The following CMTR1 variants were observed in gnomAD, a reference collection of about 807,000 sequenced individuals.
CMTR1 encodes the protein cap-specific mRNA (nucleoside-2'-O-)-methyltransferase 1.
Under a neutral mutation model 107.0 loss-of-function variants are expected in CMTR1, and 39 were observed. That is an observed-to-expected ratio of 0.36 (90% confidence interval 0.28 to 0.48). The LOEUF (loss-of-function observed/expected upper bound fraction) is 0.48, where lower values mean the gene tolerates loss of function less well. Ranked by LOEUF, CMTR1 falls within the 20% of genes least tolerant of loss-of-function variation. The probability of loss-of-function intolerance (pLI) is 0.99; values close to 1 mark genes in which losing one functional copy is unlikely to be tolerated. For missense variants in CMTR1, 672 were observed against 1,064.9 expected (o/e 0.63, Z 5.14); for synonymous variants, 366 against 379.5 (o/e 0.96, Z 0.41).
At chr6:37,443,865 T>G in intron 2 of CMTR1, 134 bp from the exon 3 acceptor site, 1 of 949,264 alleles carries the variant, frequency 1.1e-6, no homozygotes, top group South Asian at 2.1e-5. Flanking sequence ...AAAATAGATT[T>G]GACCTTGGGT....
chr6:37,478,857 T>C (rs1761797460), intron 22 of CMTR1, among the ~76,000 whole-genome samples: 2 of 152,168 alleles, frequency 1.3e-5, no homozygotes, highest in African/African-American at 4.8e-5. Flanking sequence ...TCCCCCTTTC[T>C]TCAGAGCGCT....
chr6:37,430,830 C>T (rs947321877), upstream of CMTR1, among the ~76,000 whole-genome samples: 6 of 152,030 alleles, frequency 3.9e-5, no homozygotes, highest in African/African-American at 1.2e-4. Context: ...CTGGCTAACA[C>T]GGTGAAACCC....
chr6:37,469,432 G>A (rs1761577938), intron 13 of CMTR1, among the ~76,000 whole-genome samples: 1 of 151,388 alleles, frequency 6.6e-6, no homozygotes, highest in African/African-American at 2.4e-5. Context: ...ATTCTGCTTG[G>A]GGTTCATTGA....
In CMTR1 at chr6:37,479,950, A is replaced by G. The variant is rs188725359; in HGVS notation, c.2376-63A>G. ...GACCCCTCCGCCCCACACCCTTAAG[A>G]ACACATGACCCTGTGCCATCTGGGT... On this transcript the variant is annotated intron_variant, in intron 23 of 23. Transcript: ENST00000373451. 1.1e-4 allele frequency: 151 copies of G among 1,417,240 alleles called. 1 individual carries two copies. The East Asian group carries it at 3.9e-3, about 37-fold the overall frequency. 87.8% of individuals were successfully genotyped at this position (1,417,240 alleles called of 1,614,324 possible).
At chr6:37,460,778 C>A (rs956785816) in intron 10 of CMTR1, among the ~76,000 whole-genome samples, 2 of 152,184 alleles carry the variant, frequency 1.3e-5, no homozygotes, top group Non-Finnish European at 2.9e-5. Flanking sequence ...AGTCTATTCA[C>A]ACTGTTGTGC....
chr6:37,478,740 GAGCT>G (rs1220466184), intron 22 of CMTR1, among the ~76,000 whole-genome samples: 15 of 152,200 alleles, frequency 9.9e-5, no homozygotes, highest in Non-Finnish European at 1.8e-4. Context: ...ATAGGGAGAG[GAGCT>G]CAACTTGTAC....
chr6:37,431,365 A>C (rs2113857278), upstream of CMTR1, among the ~76,000 whole-genome samples: 1 of 152,352 alleles, frequency 6.6e-6, no homozygotes, highest in East Asian at 1.9e-4. Flanking sequence ...GAAGGACACT[A>C]AACTTTAGAA....
In CMTR1 at chr6:37,481,229, G is replaced by A; in HGVS notation, c.*1084G>A. ...CTGGGCAGTAGCTTGGGGTGGGGGTGGGCACCTGTGGTTGTTTTTAATGGG... is the reference window on the plus strand; with the variant it reads ...CTGGGCAGTAGCTTGGGGTGGGGGTAGGCACCTGTGGTTGTTTTTAATGGG... On this transcript the variant is annotated 3_prime_UTR_variant, in exon 24 of 24. Coordinates refer to ENST00000373451, the MANE Select transcript of CMTR1 (RefSeq NM_015050.3). The A allele has an allele frequency of 7.7e-7, 1 of 1,296,128 alleles. No homozygotes were observed. The highest frequency in any genetic ancestry group is 1.0e-6 in the Non-Finnish European group (1 of 985,944). The allele number at this position is 1,296,128 out of a possible 1,614,324, so 80.3% of individuals were successfully genotyped here.
intron 13 of CMTR1, among the ~76,000 whole-genome samples, chr6:37,465,723 G>A (rs2113884615): frequency 6.6e-6 from 1 of 152,246 alleles, no homozygotes; most frequent in African/African-American, 2.4e-5. Context: ...TTGAACTCAT[G>A]ACCTCAGGTG....
chr6:37,475,460 G>A lies in CMTR1; in HGVS notation c.2036+48G>A, dbSNP rs748463154. 3 of 1,537,680 alleles carry A rather than the reference G, an allele frequency of 2.0e-6. No homozygotes were observed. In the Admixed American group the frequency reaches 5.1e-5, roughly 26 times the overall value. On this transcript the variant is annotated intron_variant, in intron 19 of 23. Coordinates refer to ENST00000373451, the MANE Select transcript of CMTR1 (RefSeq NM_015050.3). Reference sequence around the variant, plus strand: ...GGGAGGGTGGGGGTAGGCCAGGGCAGCTTGGGAGGACAGCGGCCTCCCGAG... The same window carrying A: ...GGGAGGGTGGGGGTAGGCCAGGGCAACTTGGGAGGACAGCGGCCTCCCGAG...
chr6:37,450,566 T>C (rs929184126), intron 5 of CMTR1, among the ~76,000 whole-genome samples: 4 of 152,214 alleles, frequency 2.6e-5, no homozygotes, highest in Non-Finnish European at 5.9e-5. Context: ...ATTTAAATTG[T>C]AAGGCAGATA....
At chr6:37,438,424 TTGTA>T (rs1429900687) in intron 2 of CMTR1, among the ~76,000 whole-genome samples, 3 of 152,056 alleles carry the variant, frequency 2.0e-5, no homozygotes, top group Admixed American at 6.6e-5. Flanking sequence ...GTCCAGTTCC[TTGTA>T]TGTGTCTGGC....
Position 37,444,041 on chromosome 6 carries a change from G to T in CMTR1, c.176G>T (p.Gly59Val). The T allele has an allele frequency of 6.2e-7, 1 of 1,614,012 alleles. No individual in the cohort carries two copies. ...AGTGGGTCTGATAGTGAGACCGAGG[G>T]GAAACAACACAGCTCTGACTCTTTT... ...SLSGSDSETE[G>V]KQHSSDSFDD... Residue 59 changes from glycine to valine, a missense_variant, in exon 3 of 24, where the codon GGG becomes GTG. Physicochemically the swap from Gly to Val is moderately radical, Grantham distance 109. This residue lies in a region of CMTR1 where 89 missense variants were observed against 96.6 expected (regional missense o/e 0.92). Transcript: ENST00000373451.
chr6:37,475,109 T>C (rs946702284), intron 18 of CMTR1, among the ~76,000 whole-genome samples: 1 of 152,200 alleles, frequency 6.6e-6, no homozygotes, highest in Non-Finnish European at 1.5e-5. Flanking sequence ...AGGGGCCTTA[T>C]CACCCAATGC....
At chr6:37,449,037 C>T (rs984912259) in intron 4 of CMTR1, among the ~76,000 whole-genome samples, 3 of 152,074 alleles carry the variant, frequency 2.0e-5, no homozygotes, top group East Asian at 1.9e-4. Context: ...AAATCCTGGG[C>T]GCAAGATATC....
intron 13 of CMTR1, among the ~76,000 whole-genome samples, chr6:37,463,644 A>G (rs1047896457): frequency 5.3e-5 from 8 of 152,268 alleles, no homozygotes; most frequent in South Asian, 4.1e-4. Flanking sequence ...ATGCTCTCTT[A>G]GGGGGCTAAA....
At position 37,460,996 on chromosome 6, in the gene CMTR1, T is replaced by G. The variant is rs146019382; in HGVS notation, c.1096-553T>G. Among the ~76,000 whole-genome samples, 906 of 152,300 alleles carry G rather than the reference T, an allele frequency of 5.9e-3. 6 individuals carry two copies. The highest frequency in any genetic ancestry group is 0.019 in the African/African-American group (807 of 41,558). ...CTGGCCAGAGAGTCTGCCAGCTGGA[T>G]ACAAGAGGCACCGTGGTCTTAGGAC... is the stretch of plus-strand genomic sequence containing the variant. On this transcript the variant is annotated intron_variant, in intron 10 of 23. Transcript: ENST00000373451.
chr6:37,474,908 G>C (rs1761706607), intron 18 of CMTR1, among the ~76,000 whole-genome samples: 1 of 152,192 alleles, frequency 6.6e-6, no homozygotes, highest in South Asian at 2.1e-4. Flanking sequence ...AGTCTACTGG[G>C]TATTTTTTAG....
intron 21 of CMTR1, 53 bp downstream of exon 21, chr6:37,477,692 C>A (rs907590808): frequency 3.2e-6 from 4 of 1,246,496 alleles, no homozygotes; most frequent in Non-Finnish European, 4.7e-6. Flanking sequence ...GGGGTGCGGC[C>A]GTGTCCTGTA....
Sources: gnomAD v4.1 joint callset for allele counts (sites outside exome capture counted in the v4.1 genomes callset) on GRCh38, gnomAD v4.1.1 for gene constraint, gnomAD v4.1.1 regional missense constraint, MANE v1.5 for transcripts, NCBI Gene and HGNC (gene_info 2026-07-23, HGNC 2026-07-21) for gene names.